RCAN1: variants seen among roughly 807,000 people sequenced by gnomAD.
RCAN1 encodes the protein calcipressin-1.
Under a neutral mutation model 22.9 loss-of-function variants are expected in RCAN1, and 11 were observed. The observed-to-expected ratio is 0.48, with a 90% confidence interval of 0.30 to 0.79. RCAN1 has a LOEUF of 0.79. RCAN1 is among the 30% of genes least tolerant of loss of function. The pLI is 0.06. For missense variants in RCAN1, 291 were observed against 337.8 expected (o/e 0.86, Z 1.09); for synonymous variants, 136 against 142.3 (o/e 0.96, Z 0.32).
intron 1 of RCAN1, among the ~76,000 whole-genome samples, chr21:34,546,190 G>A (rs904239238): frequency 3.3e-5 from 5 of 152,082 alleles, no homozygotes; most frequent in Admixed American, 6.5e-5. Flanking sequence ...AGAAAATGGC[G>A]AGAAATCACG....
rs963805510 is a variant in RCAN1 at position 34,533,138 on chromosome 21, T to G, written c.253-9428A>C. ...ACCACGCCCGGCTAATTTTTTGTAT[T>G]TTTAGTAGAGATGGGGTTTCACCGT... On this transcript the variant is annotated intron_variant, in intron 1 of 3. Coordinates refer to ENST00000313806, the MANE Select transcript of RCAN1 (RefSeq NM_004414.7). Among the ~76,000 whole-genome samples, 6 of 151,854 alleles carry G rather than the reference T, an allele frequency of 4.0e-5. 1 individual carries two copies. Among genetic ancestry groups the G allele is most frequent in the South Asian group, 4.2e-4 (2 of 4,802 alleles).
chr21:34,605,284 T>C (rs1431787158), intron 1 of RCAN1, among the ~76,000 whole-genome samples: 1 of 152,230 alleles, frequency 6.6e-6, no homozygotes, highest in Non-Finnish European at 1.5e-5. Flanking sequence ...CTCTCAAACA[T>C]TAGACTCCAG....
intron 1 of RCAN1, chr21:34,526,805 A>G (rs1309742077): frequency 6.4e-5 from 101 of 1,567,002 alleles, no homozygotes; most frequent in Non-Finnish European, 1.7e-6. Flanking sequence ...CCCTAGTGAG[A>G]TTCCTTTCCA....
intron 1 of RCAN1, among the ~76,000 whole-genome samples, chr21:34,536,603 C>A (rs529978371): frequency 1.3e-5 from 2 of 152,310 alleles, no homozygotes; most frequent in Admixed American, 6.5e-5. Context: ...GCATTCCATA[C>A]TCTCCTTAGA....
At chr21:34,522,700 C>A (rs1401223337) in intron 2 of RCAN1, 1 of 120,114 alleles carries the variant, frequency 8.3e-6, no homozygotes, top group Non-Finnish European at 1.6e-5. Context: ...CCCATCCCAG[C>A]AAGGTATGTG....
At chr21:34,538,296 A>G (rs182609964) in intron 1 of RCAN1, among the ~76,000 whole-genome samples, 31 of 152,306 alleles carry the variant, frequency 2.0e-4, no homozygotes, top group Non-Finnish European at 4.4e-5. Flanking sequence ...AATCTATGGT[A>G]CATTTTATTC....
intron 1 of RCAN1, among the ~76,000 whole-genome samples, chr21:34,568,503 CCGGAGTCA>C (rs1987115722): frequency 1.3e-5 from 2 of 152,200 alleles, no homozygotes; most frequent in Admixed American, 6.5e-5. Context: ...GCAGCGATGC[CCGGAGTCA>C]CGGTGTGTTT....
intron 1 of RCAN1, among the ~76,000 whole-genome samples, chr21:34,533,096 G>A (rs1194232430): frequency 6.6e-6 from 1 of 151,470 alleles, no homozygotes; most frequent in Non-Finnish European, 1.5e-5. Context: ...GAGTAGCTGG[G>A]ACTACAGGTG....
At chr21:34,610,701 G>C (rs1192492658) in intron 1 of RCAN1, among the ~76,000 whole-genome samples, 1 of 152,194 alleles carries the variant, frequency 6.6e-6, no homozygotes, top group Non-Finnish European at 1.5e-5. Context: ...AATGGGTTTG[G>C]AGTGGCCTGG....
intron 1 of RCAN1, among the ~76,000 whole-genome samples, chr21:34,542,196 C>T (rs987040742): frequency 1.3e-5 from 2 of 152,138 alleles, no homozygotes; most frequent in African/African-American, 4.8e-5. Flanking sequence ...AACACTGTCT[C>T]CTACTCCACA....
chr21:34,613,779 A>G, intron 1 of RCAN1: 1 of 1,489,556 alleles, frequency 6.7e-7, no homozygotes, highest in Non-Finnish European at 9.1e-7. Flanking sequence ...TAAATAAATG[A>G]CACTTACATA....
chr21:34,523,210 A>ATTG (rs1304260501), intron 2 of RCAN1: 4 of 244,404 alleles, frequency 1.6e-5, no homozygotes, highest in African/African-American at 9.0e-5. Context: ...ATTCATGGAA[A>ATTG]CCTGCTGCGC....
At chr21:34,567,888 C>T (rs1185839959) in intron 1 of RCAN1, among the ~76,000 whole-genome samples, 3 of 152,188 alleles carry the variant, frequency 2.0e-5, no homozygotes, top group Non-Finnish European at 4.4e-5. Context: ...GCTACATGGA[C>T]AGAAGATAAC....
At chr21:34,555,583 T>A (rs867409418) in intron 1 of RCAN1, among the ~76,000 whole-genome samples, 119 of 133,100 alleles carry the variant, frequency 8.9e-4, no homozygotes, top group Admixed American at 1.8e-3. Flanking sequence ...AAAAAAAAAA[T>A]AAATAAAATA....
chr21:34,556,483 A>G (rs1179449762), intron 1 of RCAN1, among the ~76,000 whole-genome samples: 1 of 151,304 alleles, frequency 6.6e-6, no homozygotes, highest in East Asian at 1.9e-4. Flanking sequence ...GGTCAGCACT[A>G]CCCATGCTAA....
intron 1 of RCAN1, among the ~76,000 whole-genome samples, chr21:34,560,879 C>G (rs754684688): frequency 5.3e-5 from 8 of 152,182 alleles, no homozygotes; most frequent in African/African-American, 1.9e-4. Flanking sequence ...TGACTATACT[C>G]TTACAAACTG....
At position 34,517,452 on chromosome 21, in the gene RCAN1, G is replaced by C. The variant is rs11702730; in HGVS notation, c.*632C>G. On this transcript the variant is annotated 3_prime_UTR_variant, in exon 4 of 4. Coordinates refer to ENST00000313806, the MANE Select transcript of RCAN1 (RefSeq NM_004414.7). The stretch of plus-strand genomic sequence containing the variant: ...TGCTGTTGCAAAGAGTCGAGAATCC[G>C]AGAATCTGGGAAAGGTGATACGTTT... 6.6e-6 allele frequency: 1 copy of C among 152,248 alleles called. No individual in the cohort carries two copies. The allele number at this position is 152,248 out of a possible 1,614,324, so 9.4% of individuals were successfully genotyped here.
intron 1 of RCAN1, among the ~76,000 whole-genome samples, chr21:34,564,792 C>G (rs1343818478): frequency 6.6e-6 from 1 of 151,984 alleles, no homozygotes; most frequent in South Asian, 2.1e-4. Context: ...TAGTGCTACC[C>G]AATATGTGAT....
At chr21:34,569,065 C>T (rs986950534) in intron 1 of RCAN1, among the ~76,000 whole-genome samples, 3 of 152,216 alleles carry the variant, frequency 2.0e-5, no homozygotes, top group Non-Finnish European at 4.4e-5. Flanking sequence ...CCCCAGGATT[C>T]AAATGATCTC....
Sources: gnomAD v4.1 joint callset for allele counts (sites outside exome capture counted in the v4.1 genomes callset) on GRCh38, gnomAD v4.1.1 for gene constraint, MANE v1.5 for transcripts, NCBI Gene and HGNC (gene_info 2026-07-23, HGNC 2026-07-21) for gene names.